Variants in CFAP95 observed in about 807,000 individuals in gnomAD.
The protein encoded by CFAP95 is cilia- and flagella-associated protein 95.
chr9:69,851,046 T>C, the CFAP95 span, among the ~76,000 whole-genome samples: 2 of 152,350 alleles, frequency 1.3e-5, no homozygotes, highest in African/African-American at 4.8e-5. Flanking sequence ...ATCCCATCAC[T>C]TTCATTTGCT....
chr9:69,821,435 A>T, the CFAP95 span, among the ~76,000 whole-genome samples: 4 of 150,968 alleles, frequency 2.6e-5, no homozygotes, highest in Non-Finnish European at 5.9e-5. Flanking sequence ...ATTCACACAG[A>T]GCGGGTGTGT....
chr9:69,894,990 C>CA, the CFAP95 span, among the ~76,000 whole-genome samples: 2 of 144,690 alleles, frequency 1.4e-5, no homozygotes, highest in African/African-American at 2.5e-5. Flanking sequence ...GACTCTATCT[C>CA]AAAAAAAAAG....
chr9:69,842,106 G>T, the CFAP95 span, among the ~76,000 whole-genome samples: 4 of 152,202 alleles, frequency 2.6e-5, no homozygotes, highest in Non-Finnish European at 5.9e-5. Context: ...CTGTTCGGTG[G>T]ATCAGGCACA....
the CFAP95 span, among the ~76,000 whole-genome samples, chr9:69,874,705 G>A: frequency 4.9e-4 from 75 of 152,310 alleles, no homozygotes; most frequent in African/African-American, 1.7e-3. Context: ...TCACGGGAGA[G>A]TGAGTGCCCC....
chr9:69,863,063 G>A, the CFAP95 span, among the ~76,000 whole-genome samples: 1 of 152,192 alleles, frequency 6.6e-6, no homozygotes, highest in Non-Finnish European at 1.5e-5. Flanking sequence ...ACACTATAGT[G>A]ATATCAAAGA....
At chr9:69,852,201 A>T in the CFAP95 span, among the ~76,000 whole-genome samples, 4 of 151,682 alleles carry the variant, frequency 2.6e-5, no homozygotes, top group African/African-American at 9.7e-5. Flanking sequence ...GAAAAGCTAC[A>T]GTTGGTAGGG....
the CFAP95 span, among the ~76,000 whole-genome samples, chr9:69,832,445 T>C: frequency 6.6e-6 from 1 of 152,162 alleles, no homozygotes; most frequent in African/African-American, 2.4e-5. Flanking sequence ...TTGCTCCTTG[T>C]CTCAGCCCTT....
At chr9:69,825,092 A>G in the CFAP95 span, among the ~76,000 whole-genome samples, 1 of 152,318 alleles carries the variant, frequency 6.6e-6, no homozygotes, top group East Asian at 1.9e-4. Flanking sequence ...CATAATTGTT[A>G]GCTTTCTATT....
the CFAP95 span, among the ~76,000 whole-genome samples, chr9:69,863,253 A>G: frequency 9.2e-5 from 14 of 152,170 alleles, no homozygotes; most frequent in Admixed American, 8.5e-4. Flanking sequence ...TCAGGCATCA[A>G]AAATGCCCAT....
chr9:69,894,325 C>T, the CFAP95 span, among the ~76,000 whole-genome samples: 45 of 152,202 alleles, frequency 3.0e-4, no homozygotes, highest in African/African-American at 8.2e-4. Context: ...CATAGAACTT[C>T]CATGGACTAC....
At chr9:69,874,090 G>A in the CFAP95 span, among the ~76,000 whole-genome samples, 8,913 of 152,094 alleles carry the variant, frequency 0.059, 351 homozygotes, top group South Asian at 0.1. Context: ...CTAAATTCCC[G>A]GCATCCTTAC....
At chr9:69,880,704 GC>G in the CFAP95 span, among the ~76,000 whole-genome samples, 1 of 152,144 alleles carries the variant, frequency 6.6e-6, no homozygotes, top group Non-Finnish European at 1.5e-5. Context: ...TCATATGATA[GC>G]TCAATTGTTA....
chr9:69,842,032 A>G, the CFAP95 span, among the ~76,000 whole-genome samples: 2 of 152,312 alleles, frequency 1.3e-5, no homozygotes, highest in South Asian at 4.1e-4. Flanking sequence ...TGTTTTCAGA[A>G]CTGCTGAAGA....
At chr9:69,836,359 A>G in the CFAP95 span, among the ~76,000 whole-genome samples, 859 of 152,168 alleles carry the variant, frequency 5.6e-3, 5 homozygotes, top group Admixed American at 0.012. Flanking sequence ...TGTCCTGTGC[A>G]TTGCAGGATG....
At chr9:69,856,920 G>GTTTTTT in the CFAP95 span, among the ~76,000 whole-genome samples, 9 of 125,932 alleles carry the variant, frequency 7.1e-5, no homozygotes, top group Non-Finnish European at 1.1e-4. Context: ...CTTTATATGT[G>GTTTTTT]TTTTTTTTTT....
chr9:69,826,880 G>T, the CFAP95 span, among the ~76,000 whole-genome samples: 1 of 152,160 alleles, frequency 6.6e-6, no homozygotes, highest in Non-Finnish European at 1.5e-5. Flanking sequence ...ACTGCAGGCT[G>T]GGGCCCTATA....
chr9:69,876,316 T>G, the CFAP95 span, among the ~76,000 whole-genome samples: 5 of 152,144 alleles, frequency 3.3e-5, no homozygotes, highest in Non-Finnish European at 7.3e-5. Flanking sequence ...GTGGATCTCT[T>G]GAGGCCAGGA....
the CFAP95 span, among the ~76,000 whole-genome samples, chr9:69,862,993 T>A: frequency 6.6e-6 from 1 of 152,232 alleles, no homozygotes; most frequent in African/African-American, 2.4e-5. Flanking sequence ...TCCTTCCATG[T>A]GCATCACAGA....
At chr9:69,858,288 CA>C in the CFAP95 span, 1 of 336,508 alleles carries the variant, frequency 3.0e-6, no homozygotes, top group Non-Finnish European at 5.6e-6. Context: ...TGGACATATG[CA>C]GAATGGTAAA....
Sources: gnomAD v4.1 joint callset for allele counts (sites outside exome capture counted in the v4.1 genomes callset) on GRCh38, gnomAD v4.1.1 for gene constraint, MANE v1.5 for transcripts, NCBI Gene and HGNC (gene_info 2026-07-23, HGNC 2026-07-21) for gene names.